Variants in ZNF483 observed in about 807,000 individuals in gnomAD.
ZNF483 encodes zinc finger protein HIT-10.
ZNF483 carries 9 observed loss-of-function variants against 28.6 expected under a neutral mutation model. That is an observed-to-expected ratio of 0.32 (90% CI 0.19 to 0.55). ZNF483 has a LOEUF of 0.55. ZNF483 is among the 20% of genes least tolerant of loss of function. The pLI, the probability that ZNF483 is intolerant of heterozygous loss-of-function variation, is 0.93. For synonymous variants in ZNF483, 322 were observed against 306.2 expected (o/e 1.05, Z -0.54); for missense variants, 675 against 871.7 (o/e 0.77, Z 2.84).
intron 5 of ZNF483, among the ~76,000 whole-genome samples, chr9:111,539,263 T>C (rs1188002766): frequency 6.6e-6 from 1 of 152,136 alleles, no homozygotes; most frequent in Non-Finnish European, 1.5e-5. Context: ...ACTCACTGGC[T>C]AACAATGCAG....
In ZNF483 at chr9:111,544,293, A is replaced by T; in HGVS notation, c.*1123A>T. ...ATTTTTTTGCAATTGGAGTGTAAAC[A>T]TTCTGTGTGGCAACAGTTAAAAGCT... On this transcript the variant is annotated 3_prime_UTR_variant, in exon 6 of 6. Transcript: ENST00000309235. 1 of 985,352 alleles carries T rather than the reference A, an allele frequency of 1.0e-6. No homozygotes were observed. The highest frequency in any genetic ancestry group is 1.2e-6 in the Non-Finnish European group (1 of 829,942). The allele number at this position is 985,352 out of a possible 1,614,324, so 61.0% of individuals were successfully genotyped here. A position where few individuals can be genotyped will look rare whatever the true frequency, so the allele number is the denominator to read the frequency against.
intron 5 of ZNF483, chr9:111,539,360 C>A: frequency 2.3e-6 from 1 of 442,634 alleles, no homozygotes; most frequent in South Asian, 1.6e-5. Context: ...TACTCAGGGG[C>A]TTCTGCTCCT....
chr9:111,578,131 A>G (rs79483630), downstream of ZNF483, among the ~76,000 whole-genome samples: 1 of 152,158 alleles, frequency 6.6e-6, no homozygotes, highest in African/African-American at 2.4e-5. Context: ...GCTGTTTTTT[A>G]AAAAAGGCAT....
intron 2 of ZNF483, among the ~76,000 whole-genome samples, chr9:111,528,370 A>G (rs1408781228): frequency 6.6e-6 from 1 of 152,258 alleles, no homozygotes; most frequent in African/African-American, 2.4e-5. Context: ...TTTATAGTGC[A>G]GTTCCACAGC....
At position 111,544,462 on chromosome 9, in the gene ZNF483, G is replaced by GGCA; in HGVS notation, c.*1294_*1295insAGC. On this transcript the variant is annotated 3_prime_UTR_variant, in exon 6 of 6. Transcript: ENST00000309235. ...AAAATTATAAGGGCTAACAACACTG[G>GGCA]GCTTTTATTTATGTAAAGCACTCAG... The GGCA allele has an allele frequency of 2.8e-6, 2 of 722,016 alleles. No homozygotes were observed. The highest frequency in any genetic ancestry group is 3.4e-6 in the Non-Finnish European group (2 of 589,238). The allele number at this position is 722,016 out of a possible 1,614,324, so 44.7% of individuals were successfully genotyped here.
chr9:111,540,405 A>T (rs1469433075), intron 5 of ZNF483, among the ~76,000 whole-genome samples: 1 of 152,232 alleles, frequency 6.6e-6, no homozygotes, highest in Non-Finnish European at 1.5e-5. Flanking sequence ...CATGGTAAAA[A>T]GCCAGGATGT....
intron 5 of ZNF483, among the ~76,000 whole-genome samples, chr9:111,560,594 T>A (rs1828249071): frequency 2.5e-5 from 3 of 120,348 alleles, no homozygotes; most frequent in Non-Finnish European, 3.2e-5. Flanking sequence ...TGAGCAGAGA[T>A]CATGCTACTG....
downstream of ZNF483, among the ~76,000 whole-genome samples, chr9:111,557,334 A>T (rs1828153173): frequency 6.6e-6 from 1 of 151,838 alleles, no homozygotes; most frequent in African/African-American, 2.4e-5. Flanking sequence ...AGATGGTGCC[A>T]CTGCACTCCA....
At chr9:111,537,625 G>GTTA (rs79429165) in intron 5 of ZNF483, among the ~76,000 whole-genome samples, 1 of 151,756 alleles carries the variant, frequency 6.6e-6, no homozygotes, top group South Asian at 2.1e-4. Context: ...GTTTTATGCA[G>GTTA]TTATTATTAT....
intron 5 of ZNF483, among the ~76,000 whole-genome samples, chr9:111,571,476 G>T (rs1285322561): frequency 1.3e-5 from 2 of 149,354 alleles, no homozygotes; most frequent in Non-Finnish European, 3.0e-5. Context: ...TGTGTGTTTT[G>T]TGGTTGTCGT....
intron 5 of ZNF483, among the ~76,000 whole-genome samples, chr9:111,568,973 G>A (rs1828694034): frequency 1.3e-5 from 2 of 152,214 alleles, no homozygotes; most frequent in Admixed American, 1.3e-4. Context: ...ACGACAGAAA[G>A]ACATCAAAGA....
downstream of ZNF483, among the ~76,000 whole-genome samples, chr9:111,557,377 T>TAA (rs201364819): frequency 1.1e-4 from 16 of 144,130 alleles, no homozygotes; most frequent in South Asian, 6.6e-4. Context: ...CCATCTCCAG[T>TAA]AAAAAAAAAA....
intron 5 of ZNF483, chr9:111,570,190 A>G (rs1482035967): frequency 6.2e-7 from 1 of 1,613,796 alleles, no homozygotes; most frequent in African/African-American, 1.3e-5. Context: ...CCTGATAGAT[A>G]ACAATCTCTG....
chr9:111,556,863 G>A (rs546839569), downstream of ZNF483, among the ~76,000 whole-genome samples: 10 of 152,318 alleles, frequency 6.6e-5, no homozygotes, highest in East Asian at 7.7e-4. Flanking sequence ...TATAGCCTGC[G>A]GAACTGAGAG....
intron 5 of ZNF483, among the ~76,000 whole-genome samples, chr9:111,568,749 CTCTT>C (rs1388172849): frequency 6.6e-6 from 1 of 152,312 alleles, no homozygotes; most frequent in East Asian, 1.9e-4. Context: ...TGTACTCTTT[CTCTT>C]TATTTCTCAG....
chr9:111,561,954 C>T lies in ZNF483; in HGVS notation c.722-14411C>T, dbSNP rs149276189. 4.3e-3 allele frequency among the ~76,000 whole-genome samples: 648 copies of T among 150,106 alleles called. 10 individuals are homozygous for T. The highest frequency in any genetic ancestry group is 0.015 in the African/African-American group (611 of 40,868). Reference sequence around the variant, plus strand: ...AGGCTGGAGTGCAATGGCACAATATCGGCTCACTGCAACGTCTGCCTCCTG... The same window carrying T: ...AGGCTGGAGTGCAATGGCACAATATTGGCTCACTGCAACGTCTGCCTCCTG... On this transcript the variant is annotated intron_variant, in intron 5 of 5. Coordinates refer to the ZNF483 transcript ENST00000358151.
chr9:111,544,189 T>G lies in ZNF483; in HGVS notation c.*1019T>G. 2.0e-6 allele frequency: 2 copies of G among 985,484 alleles called. No individual in the cohort carries two copies. Among genetic ancestry groups the G allele is most frequent in the Non-Finnish European group, 2.4e-6 (2 of 829,984 alleles). The allele number at this position is 985,484 out of a possible 1,614,324, so 61.0% of individuals were successfully genotyped here. ...GATGGGGGCTGGGGGTAAGGAAATG[T>G]GCTGAAGACAGAGCTATTCTGGATG... On this transcript the variant is annotated 3_prime_UTR_variant, in exon 6 of 6. Coordinates refer to ENST00000309235, the MANE Select transcript of ZNF483 (RefSeq NM_133464.5).
At position 111,530,962 on chromosome 9, in the gene ZNF483, G is replaced by T. The variant is rs751490862; in HGVS notation, c.500G>T (p.Cys167Phe). Residue 167 changes from cysteine (C) to phenylalanine (F), a missense_variant and splice_region_variant, in exon 3 of 6, where the codon TGT (cysteine) becomes TTT (phenylalanine). Cys to Phe is a radical substitution (Grantham distance 205). Around this residue, in one of 6 missense-constraint regions of ZNF483, gnomAD observed 525 missense variants for 581.8 expected, o/e 0.90. Transcript: ENST00000309235. ...ACTGTTTGTCCCAATACTGAGTCCT[G>T]TGTAAGTTTCCTTTGATGGTTTTTA... ...MVTVCPNTESCESITLKDVAV... is the reference protein window; with the variant it reads ...MVTVCPNTESFESITLKDVAV... 1 of 1,481,734 alleles carries T rather than the reference G, an allele frequency of 6.7e-7. No individual in the cohort carries two copies. The highest frequency in any genetic ancestry group is 9.2e-7 in the Non-Finnish European group (1 of 1,091,752). 91.8% of individuals were successfully genotyped at this position (1,481,734 alleles called of 1,614,324 possible).
chr9:111,536,706 C>A (rs887235504), intron 5 of ZNF483, among the ~76,000 whole-genome samples: 1 of 146,024 alleles, frequency 6.8e-6, no homozygotes, highest in Admixed American at 6.7e-5. Context: ...ACTGACCGCA[C>A]CCCCCCCGCC....
Sources: allele counts gnomAD v4.1 joint callset (sites outside exome capture counted in the v4.1 genomes callset), GRCh38; gene constraint gnomAD v4.1.1; regional missense constraint gnomAD v4.1.1; transcripts MANE v1.5; gene names NCBI Gene and HGNC (gene_info 2026-07-23, HGNC 2026-07-21).